KHDRBS2: variants seen among roughly 807,000 people sequenced by gnomAD.
The protein encoded by KHDRBS2 is KH RNA binding domain containing, signal transduction associated 2, also known as KH domain-containing, RNA-binding, signal transduction-associated protein 2.
In KHDRBS2, 26 loss-of-function variants were observed where a neutral mutation model predicts 44.3. That is an observed-to-expected ratio of 0.59 (90% confidence interval 0.43 to 0.81). The LOEUF (loss-of-function observed/expected upper bound fraction) is 0.81, where lower values mean the gene tolerates loss of function less well. KHDRBS2 is among the 40% of genes least tolerant of loss of function. The pLI is 0.00. For synonymous variants in KHDRBS2, 194 were observed against 151.1 expected (o/e 1.28, Z -2.08); for missense variants, 476 against 433.1 (o/e 1.10, Z -0.88).
chr6:62,282,777 G>A (rs954308718), intron 1 of KHDRBS2, among the ~76,000 whole-genome samples: 4 of 152,004 alleles, frequency 2.6e-5, no homozygotes, highest in East Asian at 1.9e-4. Context: ...TTTTTGTTCC[G>A]AATATACAAA....
At chr6:62,193,319 T>G (rs1369578935) in intron 1 of KHDRBS2, among the ~76,000 whole-genome samples, 1 of 152,086 alleles carries the variant, frequency 6.6e-6, no homozygotes, top group Non-Finnish European at 1.5e-5. Flanking sequence ...AAACTGATTC[T>G]GTGCTTGGAG....
the KHDRBS2 span, among the ~76,000 whole-genome samples, chr6:61,581,578 AC>A: frequency 2.2e-5 from 2 of 91,470 alleles, no homozygotes; most frequent in East Asian, 5.4e-4. Flanking sequence ...AATATACAAT[AC>A]ACAATATACA....
At chr6:61,839,417 T>A (rs544822912) in intron 6 of KHDRBS2, among the ~76,000 whole-genome samples, 1 of 151,900 alleles carries the variant, frequency 6.6e-6, no homozygotes, top group Non-Finnish European at 1.5e-5. Context: ...AAAAAACGAC[T>A]GAGGAAATGG....
At chr6:61,613,054 A>G in the KHDRBS2 span, among the ~76,000 whole-genome samples, 1 of 151,938 alleles carries the variant, frequency 6.6e-6, no homozygotes, top group African/African-American at 2.4e-5. Context: ...GGGTTTCACC[A>G]TATTAGCCAT....
At position 61,786,666 on chromosome 6, in the gene KHDRBS2, A is replaced by C. The variant is rs192129256; in HGVS notation, c.811-53902T>G. Among the ~76,000 whole-genome samples the C allele has an allele frequency of 1.1e-3, 160 of 152,072 alleles. 4 individuals are homozygous for C. The South Asian group carries it at 0.023, about 22-fold the overall frequency. On this transcript the variant is annotated intron_variant, in intron 6 of 8. Transcript: ENST00000281156. ...GATCAGGCAGATTTTACGACCTAAT[A>C]ATTCTATATTGGTGGGTAGAAAAAA...
chr6:61,814,015 G>A (rs1265154664), intron 6 of KHDRBS2: 3 of 455,782 alleles, frequency 6.6e-6, no homozygotes, highest in Non-Finnish European at 1.3e-5. Flanking sequence ...AAGTCTGGTT[G>A]AACTCCAATT....
chr6:61,696,511 C>T (rs112417568), intron 8 of KHDRBS2, among the ~76,000 whole-genome samples: 1 of 151,952 alleles, frequency 6.6e-6, no homozygotes, highest in Non-Finnish European at 1.5e-5. Context: ...CCCGCCTCAG[C>T]CTCCCAAAGT....
At chr6:61,623,485 G>C in the KHDRBS2 span, among the ~76,000 whole-genome samples, 5 of 152,168 alleles carry the variant, frequency 3.3e-5, no homozygotes, top group Admixed American at 3.3e-4. Context: ...CCCTGATAGA[G>C]ACATACTGTT....
At chr6:62,094,654 CT>C (rs1800182479) in intron 2 of KHDRBS2, among the ~76,000 whole-genome samples, 1 of 151,870 alleles carries the variant, frequency 6.6e-6, no homozygotes. Flanking sequence ...TGTCATGGAG[CT>C]TTCCCCCTAC....
chr6:61,615,225 T>TC, the KHDRBS2 span, among the ~76,000 whole-genome samples: 2 of 46,480 alleles, frequency 4.3e-5, no homozygotes, highest in Admixed American at 3.7e-4. Flanking sequence ...AGAGCAAGAC[T>TC]CCATCTCCAA....
chr6:61,953,288 C>CT (rs1765152782), intron 4 of KHDRBS2, among the ~76,000 whole-genome samples: 1 of 151,952 alleles, frequency 6.6e-6, no homozygotes, highest in Admixed American at 6.6e-5. Flanking sequence ...TTTATACATT[C>CT]TAACCCCAAA....
At chr6:61,564,727 G>A in the KHDRBS2 span, among the ~76,000 whole-genome samples, 1 of 152,102 alleles carries the variant, frequency 6.6e-6, no homozygotes, top group Non-Finnish European at 1.5e-5. Flanking sequence ...AAATGTTTCA[G>A]TATTGAATAG....
chr6:62,279,838 G>T (rs1841545963), intron 1 of KHDRBS2, among the ~76,000 whole-genome samples: 1 of 152,204 alleles, frequency 6.6e-6, no homozygotes, highest in Non-Finnish European at 1.5e-5. Flanking sequence ...AGAGGTAGCA[G>T]AGGGGCCAAC....
the KHDRBS2 span, among the ~76,000 whole-genome samples, chr6:61,573,147 A>G: frequency 6.6e-6 from 1 of 152,242 alleles, no homozygotes; most frequent in African/African-American, 2.4e-5. Context: ...CAATGTACAC[A>G]AGTCAGTAGC....
At chr6:61,990,264 A>C (rs772241797) in intron 3 of KHDRBS2, among the ~76,000 whole-genome samples, 17 of 152,246 alleles carry the variant, frequency 1.1e-4, no homozygotes, top group Non-Finnish European at 2.2e-4. Context: ...ATGCAAAATA[A>C]AGCCATGAAT....
intron 3 of KHDRBS2, among the ~76,000 whole-genome samples, chr6:62,016,565 A>G (rs1261011568): frequency 1.3e-5 from 2 of 149,032 alleles, no homozygotes; most frequent in Non-Finnish European, 3.0e-5. Context: ...TATAAATATA[A>G]GAATATTTGT....
At chr6:62,272,306 A>G (rs981590203) in intron 1 of KHDRBS2, among the ~76,000 whole-genome samples, 7 of 152,198 alleles carry the variant, frequency 4.6e-5, no homozygotes, top group African/African-American at 1.7e-4. Flanking sequence ...ATTTCTCAGA[A>G]TAGATCTTTG....
At chr6:62,053,965 T>A (rs896194650) in intron 2 of KHDRBS2, among the ~76,000 whole-genome samples, 1 of 152,028 alleles carries the variant, frequency 6.6e-6, no homozygotes, top group Non-Finnish European at 1.5e-5. Flanking sequence ...ATAGGAATTT[T>A]AAAAACTAGA....
chr6:61,802,899 C>A (rs1786513267), intron 6 of KHDRBS2, among the ~76,000 whole-genome samples: 1 of 152,082 alleles, frequency 6.6e-6, no homozygotes, highest in South Asian at 2.1e-4. Flanking sequence ...CAGAATGAAA[C>A]AGCCATGAGT....
Sources: allele counts gnomAD v4.1 joint callset (sites outside exome capture counted in the v4.1 genomes callset), GRCh38; gene constraint gnomAD v4.1.1; transcripts MANE v1.5; gene names NCBI Gene and HGNC (gene_info 2026-07-23, HGNC 2026-07-21).